The following PPP1R16B variants were observed in gnomAD, a reference collection of about 807,000 sequenced individuals.
PPP1R16B encodes protein phosphatase 1 regulatory inhibitor subunit 16B.
Under a neutral mutation model 61.7 loss-of-function variants are expected in PPP1R16B, and 14 were observed. The ratio of observed to expected loss-of-function variants is 0.23; its 90% CI spans 0.15 to 0.35. The LOEUF (loss-of-function observed/expected upper bound fraction) is 0.35. PPP1R16B is among the 10% of genes least tolerant of loss of function. The pLI, the probability that PPP1R16B is intolerant of heterozygous loss-of-function variation, is 1.00. For synonymous variants in PPP1R16B, 266 were observed against 305.3 expected (o/e 0.87, Z 1.34); for missense variants, 547 against 752.5 (o/e 0.73, Z 3.19).
At chr20:38,913,124 G>A (rs547336357) in intron 10 of PPP1R16B, among the ~76,000 whole-genome samples, 16 of 152,094 alleles carry the variant, frequency 1.1e-4, no homozygotes, top group South Asian at 1.0e-3. Flanking sequence ...ACCTGCCTTC[G>A]CTTCCCAGAG....
rs559549101 is a variant in PPP1R16B, at chr20:38,855,357, T to TAA, written c.250+19193_250+19194dup. Among the ~76,000 whole-genome samples, 8 of 142,088 alleles carry TAA rather than the reference T, an allele frequency of 5.6e-5. No homozygotes were observed. In the East Asian group the frequency reaches 1.0e-3, roughly 18 times the overall value. The allele number at this position is 142,088 out of a possible 152,430, so 93.2% of individuals were successfully genotyped here. A position where few individuals can be genotyped will look rare whatever the true frequency, so the allele number is the denominator to read the frequency against. ...TTAATACAATCTGTTCCCTTGTTAT[T>TAA]AAAAAAAAAAAACAAAACCCTAGGA... On this transcript the variant is annotated intron_variant, in intron 2 of 10. Transcript: ENST00000299824.
Position 38,921,645 on chromosome 20 carries a change from C to T in PPP1R16B, c.*2979C>T, listed in dbSNP as rs571914879. On this transcript the variant is annotated 3_prime_UTR_variant, in exon 11 of 11. Transcript: ENST00000299824. ...AGACATCATCCAGGTCCATCTGGAA[C>T]TTTCAGTGATAGCTGCCTTCAGCCA... is the stretch of plus-strand genomic sequence containing the variant. 7 of 152,384 alleles carry T rather than the reference C, an allele frequency of 4.6e-5. No homozygotes were observed. Among genetic ancestry groups the T allele is most frequent in the African/African-American group, 9.6e-5 (4 of 41,584 alleles). 9.4% of individuals were successfully genotyped at this position (152,384 alleles called of 1,614,324 possible).
chr20:38,878,766 C>G (rs1282331662), intron 2 of PPP1R16B, among the ~76,000 whole-genome samples: 1 of 152,160 alleles, frequency 6.6e-6, no homozygotes, highest in Non-Finnish European at 1.5e-5. Flanking sequence ...GGCTGTGAAG[C>G]TATTACAGTG....
In PPP1R16B at chr20:38,895,865, TCCCTCCCTCCTTCCTTCTTTCTTC is replaced by T. The variant is rs1568678899; in HGVS notation, c.467+158_467+181del. On this transcript the variant is annotated intron_variant, in intron 4 of 10. Transcript: ENST00000299824. Reference sequence around the variant, plus strand: ...CCTTCCTCCTTCCTTCTTTCTTCCCTCCCTCCCTCCTTCCTTCTTTCTTCCCTCCCTCCCTCCTTCCTTCTTTCT... The same window carrying T: ...CCTTCCTCCTTCCTTCTTTCTTCCCTCCTCCCTCCCTCCTTCCTTCTTTCT... Among the ~76,000 whole-genome samples the T allele has an allele frequency of 5.9e-4, 69 of 117,900 alleles. 3 individuals carry two copies. The highest frequency in any genetic ancestry group is 8.3e-4 in the East Asian group (3 of 3,612). The allele number at this position is 117,900 out of a possible 152,430, so 77.3% of individuals were successfully genotyped here.
chr20:38,827,792 GA>G (rs11086737), intron 1 of PPP1R16B, among the ~76,000 whole-genome samples: 105,861 of 151,450 alleles, frequency 0.7, 37,126 homozygotes, highest in African/African-American at 0.77. Context: ...CTTTATGCTG[GA>G]AAAAAAAAAT....
intron 2 of PPP1R16B, among the ~76,000 whole-genome samples, chr20:38,839,707 A>G (rs756700566): frequency 6.6e-6 from 1 of 151,480 alleles, no homozygotes; most frequent in Non-Finnish European, 1.5e-5. Flanking sequence ...TTCCCATCCA[A>G]CGGTATATCT....
intron 10 of PPP1R16B, among the ~76,000 whole-genome samples, chr20:38,916,086 T>C (rs976669822): frequency 1.5e-5 from 2 of 131,324 alleles, no homozygotes; most frequent in Admixed American, 8.1e-5. Context: ...AAAAAAAAGG[T>C]TGGACTCGGT....
intron 2 of PPP1R16B, among the ~76,000 whole-genome samples, 174 bp downstream of exon 2, chr20:38,836,349 T>C (rs2084872134): frequency 7.9e-6 from 1 of 125,796 alleles, no homozygotes; most frequent in African/African-American, 2.9e-5. Flanking sequence ...TTCGAATTTA[T>C]CTTAGACTTC....
intron 2 of PPP1R16B, among the ~76,000 whole-genome samples, chr20:38,872,027 A>G (rs2085133659): frequency 6.6e-6 from 1 of 152,244 alleles, no homozygotes; most frequent in Non-Finnish European, 1.5e-5. Context: ...GGTCACCCCT[A>G]GCACGTCTCA....
chr20:38,840,016 G>T (rs2084899596), intron 2 of PPP1R16B, among the ~76,000 whole-genome samples: 1 of 152,254 alleles, frequency 6.6e-6, no homozygotes, highest in Non-Finnish European at 1.5e-5. Context: ...CAAGTGAGGG[G>T]AAGGGGCCAG....
At chr20:38,896,582 T>G (rs1168037923) in intron 4 of PPP1R16B, among the ~76,000 whole-genome samples, 1 of 152,136 alleles carries the variant, frequency 6.6e-6, no homozygotes, top group African/African-American at 2.4e-5. Flanking sequence ...TCATTCTCCC[T>G]TTCCCCCCAA....
chr20:38,892,902 G>A (rs1428673543), intron 3 of PPP1R16B, among the ~76,000 whole-genome samples: 1 of 152,186 alleles, frequency 6.6e-6, no homozygotes, highest in African/African-American at 2.4e-5. Context: ...GAGTCTGGAG[G>A]GTTCCATGTG....
chr20:38,895,417 C>A, intron 3 of PPP1R16B, 148 bp from the exon 4 acceptor site: 1 of 938,592 alleles, frequency 1.1e-6, no homozygotes, highest in Non-Finnish European at 1.6e-6. Context: ...AAGGGCAATG[C>A]TTACAGTGTG....
chr20:38,888,636 A>G (rs1442212075), intron 2 of PPP1R16B, among the ~76,000 whole-genome samples: 1 of 152,124 alleles, frequency 6.6e-6, no homozygotes, highest in Non-Finnish European at 1.5e-5. Flanking sequence ...ACCCTGCCAA[A>G]GCCAGAGCTG....
chr20:38,818,690 C>G (rs117829712), intron 1 of PPP1R16B, among the ~76,000 whole-genome samples: 1 of 151,772 alleles, frequency 6.6e-6, no homozygotes, highest in Non-Finnish European at 1.5e-5. Flanking sequence ...CTCCTGCAGT[C>G]AAGTGCTGTC....
intron 2 of PPP1R16B, among the ~76,000 whole-genome samples, chr20:38,849,604 A>G (rs888701939): frequency 6.6e-6 from 1 of 152,068 alleles, no homozygotes; most frequent in African/African-American, 2.4e-5. Context: ...TTTATAAGAA[A>G]ACAAAACCCC....
intron 1 of PPP1R16B, among the ~76,000 whole-genome samples, chr20:38,824,593 C>G (rs1167422132): frequency 6.6e-6 from 1 of 152,202 alleles, no homozygotes; most frequent in African/African-American, 2.4e-5. Flanking sequence ...TCTGCGTTGC[C>G]CTCTGTCTTC....
At chr20:38,821,087 G>C (rs1001079557) in intron 1 of PPP1R16B, among the ~76,000 whole-genome samples, 1 of 151,914 alleles carries the variant, frequency 6.6e-6, no homozygotes, top group Non-Finnish European at 1.5e-5. Flanking sequence ...ATTTGTAGTG[G>C]TCTTTCTCTG....
intron 3 of PPP1R16B, among the ~76,000 whole-genome samples, chr20:38,894,940 C>T (rs1009809997): frequency 6.6e-6 from 1 of 152,214 alleles, no homozygotes; most frequent in Admixed American, 6.5e-5. Flanking sequence ...GCTGTCTCCT[C>T]GCAGGGACTA....
Sources: allele counts gnomAD v4.1 joint callset (sites outside exome capture counted in the v4.1 genomes callset), GRCh38; gene constraint gnomAD v4.1.1; transcripts MANE v1.5; gene names NCBI Gene and HGNC (gene_info 2026-07-23, HGNC 2026-07-21).